Variants in NFAT5 observed in about 807,000 individuals in gnomAD.
The protein encoded by NFAT5 is nuclear factor of activated T-cells 5.
In NFAT5, 31 loss-of-function variants were observed where a neutral mutation model predicts 166.5. The observed-to-expected ratio is 0.19, with a 90% CI of 0.14 to 0.25. The LOEUF (loss-of-function observed/expected upper bound fraction) is 0.25. Ranked by LOEUF, NFAT5 falls within the 10% of genes least tolerant of loss-of-function variation. The pLI is 1.00. For missense variants in NFAT5, 1,449 were observed against 1,821.8 expected (o/e 0.80, Z 3.72); for synonymous variants, 612 against 639.7 (o/e 0.96, Z 0.65).
In NFAT5 at chr16:69,703,040, C is replaced by T. The variant is rs891068298; in HGVS notation, c.*6689C>T. 6.6e-6 allele frequency: 1 copy of T among 152,448 alleles called. No homozygotes were observed. The highest frequency in any genetic ancestry group is 1.5e-5 in the Non-Finnish European group (1 of 68,014). 9.4% of individuals were successfully genotyped at this position (152,448 alleles called of 1,614,324 possible). ...CATTTAAGTAGCTAATATAATTGAC[C>T]GGTGCTAAAGTCTCCTGTTTATCCA... On this transcript the variant is annotated 3_prime_UTR_variant, in exon 15 of 15. Coordinates refer to ENST00000349945, the MANE Select transcript of NFAT5 (RefSeq NM_138713.4).
chr16:69,626,932 C>T (rs1356072238), intron 3 of NFAT5, among the ~76,000 whole-genome samples: 2 of 152,060 alleles, frequency 1.3e-5, no homozygotes, highest in Non-Finnish European at 2.9e-5. Flanking sequence ...ATGACTGAAG[C>T]ACTCAAGTGT....
intron 2 of NFAT5, among the ~76,000 whole-genome samples, chr16:69,577,218 C>T (rs1325659699): frequency 6.6e-6 from 1 of 152,054 alleles, no homozygotes; most frequent in African/African-American, 2.4e-5. Flanking sequence ...CTTCTGAAAA[C>T]AAACGTCTAT....
chr16:69,666,335 G>A (rs970976835), intron 7 of NFAT5, among the ~76,000 whole-genome samples: 4 of 151,956 alleles, frequency 2.6e-5, no homozygotes, highest in African/African-American at 4.8e-5. Flanking sequence ...CTAATTAAAC[G>A]GAAGAGCTTC....
At chr16:69,591,029 T>C (rs984247508) in intron 2 of NFAT5, among the ~76,000 whole-genome samples, 3 of 152,168 alleles carry the variant, frequency 2.0e-5, no homozygotes, top group African/African-American at 7.2e-5. Context: ...TCTCCTGGGT[T>C]CAAGCAATTC....
At chr16:69,668,109 A>G (rs573194660) in intron 7 of NFAT5, among the ~76,000 whole-genome samples, 10 of 151,820 alleles carry the variant, frequency 6.6e-5, no homozygotes, top group Admixed American at 2.0e-4. Context: ...TGGGATTACA[A>G]GCATGTGCCA....
chr16:69,626,972 C>G (rs1468285464), intron 3 of NFAT5, among the ~76,000 whole-genome samples: 1 of 151,654 alleles, frequency 6.6e-6, no homozygotes, highest in Admixed American at 6.6e-5. Flanking sequence ...TTACTGAAAC[C>G]TTTTTATTAT....
intron 11 of NFAT5, among the ~76,000 whole-genome samples, chr16:69,688,572 A>G (rs1369557717): frequency 1.3e-5 from 2 of 151,778 alleles, no homozygotes; most frequent in South Asian, 2.1e-4. Context: ...GGGTTTCACC[A>G]TGTTGGTCAG....
At chr16:69,623,924 T>C (rs2034322074) in intron 2 of NFAT5, among the ~76,000 whole-genome samples, 1 of 150,936 alleles carries the variant, frequency 6.6e-6, no homozygotes, top group Admixed American at 6.6e-5. Context: ...TTATGATTTA[T>C]GTGATGGAAA....
At chr16:69,691,678 AT>A in intron 12 of NFAT5, 70 bp from the exon 13 acceptor site, 1 of 1,226,700 alleles carries the variant, frequency 8.2e-7, no homozygotes, top group Non-Finnish European at 1.1e-6. Context: ...AGCAATAGTG[AT>A]TTTTGATGTA....
At chr16:69,574,673 T>G (rs1313400284) in intron 2 of NFAT5, among the ~76,000 whole-genome samples, 1 of 152,026 alleles carries the variant, frequency 6.6e-6, no homozygotes, top group Non-Finnish European at 1.5e-5. Context: ...TTCTCTTTTT[T>G]TTTTTTGGTT....
chr16:69,683,559 C>A (rs1458665618), intron 10 of NFAT5, among the ~76,000 whole-genome samples: 1 of 151,944 alleles, frequency 6.6e-6, no homozygotes, highest in African/African-American at 2.4e-5. Flanking sequence ...TATGTATATT[C>A]AAATAAAATA....
At chr16:69,643,175 G>A (rs759246405) in intron 3 of NFAT5, among the ~76,000 whole-genome samples, 40 of 143,538 alleles carry the variant, frequency 2.8e-4, no homozygotes, top group Non-Finnish European at 4.0e-4. Flanking sequence ...CCGAGATCGC[G>A]CCACTGCACT....
At chr16:69,595,069 C>T (rs2032712275) in intron 2 of NFAT5, among the ~76,000 whole-genome samples, 1 of 152,132 alleles carries the variant, frequency 6.6e-6, no homozygotes. Flanking sequence ...CTTTCCCAGT[C>T]CACTGACTCA....
intron 6 of NFAT5, among the ~76,000 whole-genome samples, chr16:69,658,373 C>T (rs2035981121): frequency 6.6e-6 from 1 of 151,356 alleles, no homozygotes; most frequent in African/African-American, 2.4e-5. Context: ...GTCCCAGCTA[C>T]TTGAGAGGTT....
At chr16:69,669,789 A>C (rs1022297480) in intron 7 of NFAT5, among the ~76,000 whole-genome samples, 188 bp from the exon 8 acceptor site, 2 of 152,230 alleles carry the variant, frequency 1.3e-5, no homozygotes, top group Non-Finnish European at 2.9e-5. Context: ...TATCCAAACC[A>C]GTCACATGAC....
chr16:69,573,625 G>C (rs879325775), intron 2 of NFAT5, among the ~76,000 whole-genome samples: 1 of 151,922 alleles, frequency 6.6e-6, no homozygotes, highest in Non-Finnish European at 1.5e-5. Context: ...ATCTCTTTCT[G>C]ATTGCTTACC....
intron 3 of NFAT5, among the ~76,000 whole-genome samples, chr16:69,628,947 G>A (rs1255210674): frequency 3.3e-5 from 5 of 152,116 alleles, no homozygotes; most frequent in African/African-American, 4.8e-5. Context: ...GGTGGCGGGC[G>A]CCTGTAATCC....
rs2037891454 is a variant in NFAT5 at position 69,701,161 on chromosome 16, G to T, written c.*4810G>T. 1 of 152,026 alleles carries T rather than the reference G, an allele frequency of 6.6e-6. No individual in the cohort carries two copies. The highest frequency in any genetic ancestry group is 2.1e-4 in the South Asian group (1 of 4,804). 9.4% of individuals were successfully genotyped at this position (152,026 alleles called of 1,614,324 possible). A position where few individuals can be genotyped will look rare whatever the true frequency, so the allele number is the denominator to read the frequency against. On this transcript the variant is annotated 3_prime_UTR_variant, in exon 15 of 15. Transcript: ENST00000349945. ...GATGGGGTTTTGCCATGTTGGCCAG[G>T]CTGGTTTCGAACTCCTAACCTCCAG... is the stretch of plus-strand genomic sequence containing the variant.
chr16:69,670,482 T>G (rs1205512191), intron 9 of NFAT5, among the ~76,000 whole-genome samples, 194 bp downstream of exon 9: 22 of 152,220 alleles, frequency 1.4e-4, no homozygotes, highest in Non-Finnish European at 2.9e-5. Context: ...ACCACCTCTA[T>G]TTTAAAAAGT....
Sources: gnomAD v4.1 joint callset for allele counts (sites outside exome capture counted in the v4.1 genomes callset) on GRCh38, gnomAD v4.1.1 for gene constraint, MANE v1.5 for transcripts, NCBI Gene and HGNC (gene_info 2026-07-23, HGNC 2026-07-21) for gene names.